The following CACNA1C variants were observed in gnomAD, a reference collection of about 807,000 sequenced individuals.
CACNA1C encodes the protein calcium voltage-gated channel subunit alpha1 C.
A neutral mutation model predicts 229.0 loss-of-function variants in CACNA1C; 30 were observed. The ratio of observed to expected loss-of-function variants is 0.13; its 90% CI spans 0.10 to 0.18. The LOEUF (loss-of-function observed/expected upper bound fraction) is 0.18, where lower values mean the gene tolerates loss of function less well. CACNA1C is among the 10% of genes least tolerant of loss of function. CACNA1C has a pLI of 1.00. For synonymous variants in CACNA1C, 1,114 were observed against 1,132.5 expected, an observed-to-expected ratio of 0.98 and a Z score of 0.33; for missense variants, 1,658 against 2,845.0, an observed-to-expected ratio of 0.58 and a Z score of 9.49.
In CACNA1C at chr12:2,567,932, G is replaced by C. The variant is rs1001228578; in HGVS notation, c.1895+138G>C. On this transcript the variant is annotated intron_variant, in intron 13 of 46. Coordinates refer to ENST00000399655, the MANE Select transcript of CACNA1C (RefSeq NM_000719.7). ...GTCTCTGAAGTTCACATGCAATGGG[G>C]GTAGTTTGTGTTCATTTAGATGGCA... 5.6e-5 allele frequency: 33 copies of C among 594,186 alleles called. No homozygotes were observed. In the Admixed American group the frequency reaches 9.2e-4, roughly 16 times the overall value. 36.8% of individuals were successfully genotyped at this position (594,186 alleles called of 1,614,324 possible).
chr12:2,357,353 G>A (rs2097401951), intron 3 of CACNA1C, among the ~76,000 whole-genome samples: 1 of 152,200 alleles, frequency 6.6e-6, no homozygotes, highest in African/African-American at 2.4e-5. Context: ...TGTTGGCCAT[G>A]TGGAGGCAAA....
chr12:2,557,165 C>T (rs904201221), intron 11 of CACNA1C, among the ~76,000 whole-genome samples, 188 bp downstream of exon 11: 4 of 152,166 alleles, frequency 2.6e-5, no homozygotes, highest in African/African-American at 4.8e-5. Flanking sequence ...AATAATCCAG[C>T]GGTTGATATT....
chr12:1,993,237 C>T (rs140441717), intron 1 of CACNA1C: 5 of 1,613,894 alleles, frequency 3.1e-6, no homozygotes, highest in Non-Finnish European at 4.2e-6. Context: ...AGAAGTAAAA[C>T]AACCCACTGT....
At chr12:2,656,729 G>A (rs183684781) in intron 34 of CACNA1C, among the ~76,000 whole-genome samples, 12 of 152,242 alleles carry the variant, frequency 7.9e-5, no homozygotes, top group Admixed American at 4.6e-4. Context: ...GCATAAAAAC[G>A]GACACATAGA....
At chr12:2,623,871 C>T (rs2084776038) in intron 29 of CACNA1C, among the ~76,000 whole-genome samples, 1 of 152,194 alleles carries the variant, frequency 6.6e-6, no homozygotes, top group African/African-American at 2.4e-5. Context: ...GAGCTTGTCA[C>T]TCTCTGGGGT....
At chr12:2,645,201 G>A (rs956262272) in intron 30 of CACNA1C, among the ~76,000 whole-genome samples, 4 of 152,206 alleles carry the variant, frequency 2.6e-5, no homozygotes, top group African/African-American at 9.6e-5. Context: ...TATGTAAGCA[G>A]CTCTGTTGGC....
At chr12:2,303,363 T>C (rs904300365) in intron 3 of CACNA1C, among the ~76,000 whole-genome samples, 1 of 152,170 alleles carries the variant, frequency 6.6e-6, no homozygotes, top group Non-Finnish European at 1.5e-5. Flanking sequence ...GGTCCTCACA[T>C]GGTATCCCTC....
intron 13 of CACNA1C, among the ~76,000 whole-genome samples, chr12:2,572,382 CTTCCTCCTCCTT>C (rs2055453738): frequency 2.6e-4 from 4 of 15,444 alleles, no homozygotes; most frequent in East Asian, 2.6e-3. Context: ...TCTTCCTCCT[CTTCCTCCTCCTT>C]CTTCTCTTCC....
rs569488363 is a variant in CACNA1C, at chr12:2,632,736, G to T, written c.3829-1561G>T. ...CTATCCCTAGCAAACCCATCCTCAG[G>T]AAACGCTTTGATCACCGCGTGCCCT... On this transcript the variant is annotated intron_variant, in intron 29 of 46. Transcript: ENST00000399655. The surrounding 1 kb of genome is among the most constrained non-coding windows in gnomAD (Gnocchi z 4.1). Among the ~76,000 whole-genome samples the T allele has an allele frequency of 6.6e-6, 1 of 152,210 alleles. No individual in the cohort carries two copies. Among genetic ancestry groups the T allele is most frequent in the East Asian group, 1.9e-4 (1 of 5,170 alleles).
intron 1 of CACNA1C, among the ~76,000 whole-genome samples, chr12:2,106,761 G>A (rs1247062524): frequency 4.5e-5 from 6 of 132,498 alleles, no homozygotes; most frequent in African/African-American, 1.5e-4. Flanking sequence ...CCCTGGAGAG[G>A]GTTTCCACCT....
In CACNA1C at chr12:2,029,189, G is replaced by A. The variant is rs1355241689; in HGVS notation, c.139+57988G>A. On this transcript the variant is annotated intron_variant, in intron 1 of 46. Coordinates refer to the CACNA1C transcript ENST00000682462. The surrounding 1 kb of genome is among the most constrained non-coding windows in gnomAD (Gnocchi z 4.9). ...AGGGGGCAGGGAAGGAGAGACTCCT[G>A]ACACAGTCCTGGGAACCTGCATTCT... 2.6e-5 allele frequency among the ~76,000 whole-genome samples: 4 copies of A among 152,226 alleles called. No homozygotes were observed. The highest frequency in any genetic ancestry group is 5.9e-5 in the Non-Finnish European group (4 of 68,040).
At chr12:2,624,942 C>T (rs756668099) in intron 29 of CACNA1C, among the ~76,000 whole-genome samples, 29 of 152,226 alleles carry the variant, frequency 1.9e-4, no homozygotes, top group Non-Finnish European at 3.4e-4. Flanking sequence ...CCTTCGCCAT[C>T]GGCACAGAAT....
intron 1 of CACNA1C, among the ~76,000 whole-genome samples, chr12:2,001,110 T>C (rs2042110781): frequency 6.6e-6 from 1 of 152,078 alleles, no homozygotes; most frequent in African/African-American, 2.4e-5. Flanking sequence ...TCAGGCGCTC[T>C]ATGACACCTG....
upstream of CACNA1C, among the ~76,000 whole-genome samples, chr12:2,048,852 G>GGAA (rs151107211): frequency 1.4e-4 from 21 of 152,016 alleles, no homozygotes; most frequent in Admixed American, 4.6e-4. Flanking sequence ...GACCAGACAG[G>GGAA]GAAGAAGAAG....
intron 1 of CACNA1C, among the ~76,000 whole-genome samples, chr12:2,114,554 C>T (rs754780128): frequency 2.0e-5 from 3 of 152,178 alleles, no homozygotes; most frequent in Non-Finnish European, 4.4e-5. Flanking sequence ...ATCACAGCTC[C>T]CCTGGCCCCT....
At chr12:2,122,030 C>T (rs536362075) in intron 3 of CACNA1C, among the ~76,000 whole-genome samples, 20 of 152,270 alleles carry the variant, frequency 1.3e-4, no homozygotes, top group African/African-American at 4.6e-4. Context: ...AAGGGAGCCA[C>T]TTGGCTTGCT....
intron 30 of CACNA1C, among the ~76,000 whole-genome samples, chr12:2,636,070 T>G (rs2092611393): frequency 6.6e-6 from 1 of 152,194 alleles, no homozygotes; most frequent in Non-Finnish European, 1.5e-5. Context: ...GCCCAGAGCT[T>G]GTGCCATGCA....
intron 3 of CACNA1C, among the ~76,000 whole-genome samples, chr12:2,192,293 T>C (rs1223243302): frequency 6.6e-6 from 1 of 152,174 alleles, no homozygotes; most frequent in Middle Eastern, 3.2e-3. Flanking sequence ...TTTCCACCTC[T>C]CCCACTTTGC....
At chr12:2,271,097 G>A (rs2084775839) in intron 3 of CACNA1C, among the ~76,000 whole-genome samples, 2 of 152,096 alleles carry the variant, frequency 1.3e-5, no homozygotes, top group Admixed American at 6.5e-5. Flanking sequence ...GGCCCGATAG[G>A]CTCTGTCACC....
Sources: gnomAD v4.1 joint callset for allele counts (sites outside exome capture counted in the v4.1 genomes callset) on GRCh38, gnomAD v4.1.1 for gene constraint, Gnocchi (gnomAD v3.1) non-coding constraint, MANE v1.5 for transcripts, NCBI Gene and HGNC (gene_info 2026-07-23, HGNC 2026-07-21) for gene names.